The following AUTS2 variants were observed in gnomAD, a reference collection of about 807,000 sequenced individuals.
The protein encoded by AUTS2 is activator of transcription and developmental regulator AUTS2.
Under a neutral mutation model 112.4 loss-of-function variants are expected in AUTS2, and 17 were observed. That is an observed-to-expected ratio of 0.15 (90% CI 0.10 to 0.23). The LOEUF is 0.23. Ranked by LOEUF, AUTS2 falls within the 10% of genes least tolerant of loss-of-function variation. AUTS2 has a pLI of 1.00. For synonymous variants in AUTS2, 751 were observed against 702.7 expected, an observed-to-expected ratio of 1.07 and a Z score of -1.09; for missense variants, 1,510 against 1,701.6, an observed-to-expected ratio of 0.89 and a Z score of 1.98.
chr7:70,374,232 TAAATTAATGA>T (rs567905049), intron 4 of AUTS2, among the ~76,000 whole-genome samples: 7 of 152,208 alleles, frequency 4.6e-5, no homozygotes, highest in Non-Finnish European at 8.8e-5. Flanking sequence ...AAGCACATTT[TAAATTAATGA>T]AATTAACAGT....
In AUTS2 at chr7:69,844,044, C is replaced by T. The variant is rs529658920; in HGVS notation, c.310-55242C>T. On this transcript the variant is annotated intron_variant, in intron 1 of 18. Transcript: ENST00000342771. ...AGGAAAAATTCACATACCAGCCAAT[C>T]CTCGTTACTCTGCTTATTCCCCTAT... Among the ~76,000 whole-genome samples, 187 of 152,242 alleles carry T rather than the reference C, an allele frequency of 1.2e-3. 2 individuals carry two copies. The highest frequency in any genetic ancestry group is 4.3e-3 in the African/African-American group (180 of 41,544).
chr7:70,211,073 G>T (rs1810856763), intron 4 of AUTS2, among the ~76,000 whole-genome samples: 1 of 152,104 alleles, frequency 6.6e-6, no homozygotes, highest in African/African-American at 2.4e-5. Flanking sequence ...GGGAGCCTCG[G>T]AGAGTATCGT....
chr7:70,214,556 G>A (rs964090930), intron 4 of AUTS2, among the ~76,000 whole-genome samples: 1 of 152,090 alleles, frequency 6.6e-6, no homozygotes, highest in African/African-American at 2.4e-5. Context: ...TAAAATTAAA[G>A]GCAGCATCTC....
In AUTS2 at chr7:70,791,091, G is replaced by T. The variant is rs981274859; in HGVS notation, c.*95G>T. The T allele has an allele frequency of 1.3e-5, 16 of 1,254,336 alleles. No homozygotes were observed. Among genetic ancestry groups the T allele is most frequent in the Admixed American group, 3.5e-5 (1 of 28,808 alleles). The allele number at this position is 1,254,336 out of a possible 1,614,324, so 77.7% of individuals were successfully genotyped here. ...AACTCCTGCATGGCTCACACAGACT[G>T]GGGGGGAAAGCCCCACCCCTTCCCC... On this transcript the variant is annotated 3_prime_UTR_variant, in exon 19 of 19. Transcript: ENST00000342771.
At chr7:70,153,569 T>G (rs1441979067) in intron 4 of AUTS2, among the ~76,000 whole-genome samples, 1 of 152,210 alleles carries the variant, frequency 6.6e-6, no homozygotes, top group African/African-American at 2.4e-5. Context: ...ATATGTGCAG[T>G]TTATTATATT....
At chr7:70,157,486 T>G (rs1423575965) in intron 4 of AUTS2, among the ~76,000 whole-genome samples, 1 of 152,058 alleles carries the variant, frequency 6.6e-6, no homozygotes, top group African/African-American at 2.4e-5. Flanking sequence ...GTTTATTTAT[T>G]TATTTTTTCT....
intron 6 of AUTS2, among the ~76,000 whole-genome samples, chr7:70,712,824 G>T (rs775650011): frequency 6.6e-6 from 1 of 152,044 alleles, no homozygotes; most frequent in Non-Finnish European, 1.5e-5. Flanking sequence ...TCAATCTGTC[G>T]GCCAGGCTGG....
rs569780077 is a variant in AUTS2 at position 70,763,304 on chromosome 7, G to A, written c.1177G>A (p.Ala393Thr). 1.9e-6 allele frequency: 3 copies of A among 1,598,232 alleles called. No individual in the cohort carries two copies. Among genetic ancestry groups the A allele is most frequent in the African/African-American group, 1.3e-5 (1 of 74,600 alleles). ...SAQSLSQPLSAYNSSSLSLNS... is the reference protein window; with the variant it reads ...SAQSLSQPLSTYNSSSLSLNS... ...TCAGAGCCTCTCCCAGCCATTGTCA[G>A]CCTACAACAGCAGTAGCTTAAGCCT... The change falls in exon 7 of 19, where the codon GCC becomes ACC. Residue 393 changes from alanine to threonine, a missense_variant. Around this residue, in one of 3 missense-constraint regions of AUTS2, gnomAD observed 535 missense variants for 594.3 expected, o/e 0.90. Coordinates refer to ENST00000342771, the MANE Select transcript of AUTS2 (RefSeq NM_015570.4).
At chr7:70,639,529 G>A (rs1345562093) in intron 5 of AUTS2, among the ~76,000 whole-genome samples, 1 of 145,554 alleles carries the variant, frequency 6.9e-6, no homozygotes, top group Non-Finnish European at 1.5e-5. Context: ...GAGGCAGGAG[G>A]ATTGCTTAAC....
chr7:69,854,079 T>C lies in AUTS2; in HGVS notation c.310-45207T>C, dbSNP rs1377638654. Among the ~76,000 whole-genome samples, 6 of 152,256 alleles carry C rather than the reference T, an allele frequency of 3.9e-5. No homozygotes were observed. In the South Asian group the frequency reaches 8.3e-4, roughly 21 times the overall value. On this transcript the variant is annotated intron_variant, in intron 1 of 18. Transcript: ENST00000342771. ...TACCCTTTTCTCCTTCTCTAACATA[T>C]TCCATTAAGAAATTTTACTCAAACT...
chr7:70,113,375 C>G (rs1285076808), intron 2 of AUTS2, among the ~76,000 whole-genome samples: 2 of 152,054 alleles, frequency 1.3e-5, no homozygotes, highest in African/African-American at 4.8e-5. Flanking sequence ...CAAATTCTAT[C>G]CAATCCATGA....
At chr7:69,973,406 C>T (rs1427262821) in intron 2 of AUTS2, among the ~76,000 whole-genome samples, 3 of 152,134 alleles carry the variant, frequency 2.0e-5, no homozygotes, top group Non-Finnish European at 4.4e-5. Context: ...TATCTGATAT[C>T]TATGCTTTTT....
At chr7:70,427,789 CA>C (rs1485915331) in intron 4 of AUTS2, among the ~76,000 whole-genome samples, 1 of 152,164 alleles carries the variant, frequency 6.6e-6, no homozygotes, top group Non-Finnish European at 1.5e-5. Context: ...TTAGCCCCCT[CA>C]GATCACATTG....
At chr7:70,657,854 G>C (rs896828450) in intron 5 of AUTS2, among the ~76,000 whole-genome samples, 1 of 152,182 alleles carries the variant, frequency 6.6e-6, no homozygotes, top group Non-Finnish European at 1.5e-5. Context: ...GGAGAAACTT[G>C]AGAACTTGAT....
intron 1 of AUTS2, among the ~76,000 whole-genome samples, chr7:69,828,459 T>C (rs992432879): frequency 3.9e-5 from 6 of 152,170 alleles, no homozygotes; most frequent in Admixed American, 3.9e-4. Flanking sequence ...TCTTTGATGA[T>C]ATTGTGGAGC....
chr7:70,169,537 G>A (rs1017823196), intron 4 of AUTS2, among the ~76,000 whole-genome samples: 18 of 152,018 alleles, frequency 1.2e-4, no homozygotes, highest in Non-Finnish European at 5.9e-5. Context: ...CACCGCATAC[G>A]GCCTATTAAT....
intron 6 of AUTS2, among the ~76,000 whole-genome samples, chr7:70,709,635 C>A (rs1809939625): frequency 6.6e-6 from 1 of 152,172 alleles, no homozygotes; most frequent in African/African-American, 2.4e-5. Context: ...GGCTTGAGCC[C>A]AGGAGGTGGA....
intron 4 of AUTS2, among the ~76,000 whole-genome samples, chr7:70,383,026 A>C (rs915378066): frequency 2.0e-5 from 3 of 152,342 alleles, no homozygotes; most frequent in East Asian, 3.9e-4. Context: ...ATCAAATTCT[A>C]CCTTTTTTCA....
At chr7:70,543,522 C>G (rs1800641297) in intron 5 of AUTS2, among the ~76,000 whole-genome samples, 1 of 146,772 alleles carries the variant, frequency 6.8e-6, no homozygotes, top group African/African-American at 2.6e-5. Context: ...GAGTGAGACT[C>G]CATCTTGGGA....
Sources: gnomAD v4.1 joint callset for allele counts (sites outside exome capture counted in the v4.1 genomes callset) on GRCh38, gnomAD v4.1.1 for gene constraint, gnomAD v4.1.1 regional missense constraint, MANE v1.5 for transcripts, NCBI Gene and HGNC (gene_info 2026-07-23, HGNC 2026-07-21) for gene names.